The following AK8 variants were observed in gnomAD, a reference collection of about 807,000 sequenced individuals.
AK8 encodes ATP-AMP transphosphorylase 8.
A neutral mutation model predicts 54.6 loss-of-function variants in AK8; 44 were observed. The observed-to-expected ratio is 0.81, with a 90% CI of 0.63 to 1.04. The LOEUF is 1.04. Ranked by LOEUF, AK8 falls within the 50% of genes least tolerant of loss-of-function variation. The pLI is 0.00. For missense variants in AK8, 555 were observed against 613.6 expected, an observed-to-expected ratio of 0.90 and a Z score of 1.01; for synonymous variants, 239 against 245.6, an observed-to-expected ratio of 0.97 and a Z score of 0.25.
At chr9:132,827,784 T>C (rs971286978) in intron 7 of AK8, 4 of 545,468 alleles carry the variant, frequency 7.3e-6, no homozygotes, top group Admixed American at 6.6e-5. Flanking sequence ...ATTCTGGTTC[T>C]GCCACAAGAA....
chr9:132,837,326 A>G lies in AK8; in HGVS notation c.403-8600T>C, dbSNP rs1842366921. ...AGAGCAAGACTCCATCTCGAAAAAA[A>G]AAAAAAAAAAAAGAATGAAAGAATG... On this transcript the variant is annotated intron_variant, in intron 5 of 12. Transcript: ENST00000298545. This position sits in a 1 kb window ranked among gnomAD's most constrained non-coding sequence, Gnocchi z 4.3. Among the ~76,000 whole-genome samples the G allele has an allele frequency of 6.6e-6, 1 of 151,634 alleles. No homozygotes were observed. Among genetic ancestry groups the G allele is most frequent in the Non-Finnish European group, 1.5e-5 (1 of 67,866 alleles).
chr9:132,814,390 AG>A (rs1362072798), intron 10 of AK8, among the ~76,000 whole-genome samples: 1 of 151,860 alleles, frequency 6.6e-6, no homozygotes, highest in East Asian at 1.9e-4. Context: ...CTTGAGAAAT[AG>A]GAACATCCTA....
At chr9:132,771,552 A>G (rs766933343) in intron 11 of AK8, among the ~76,000 whole-genome samples, 55 of 152,338 alleles carry the variant, frequency 3.6e-4, no homozygotes, top group Middle Eastern at 3.4e-3. Flanking sequence ...TTGTAAAGAA[A>G]CAAACCCCAA....
chr9:132,760,352 T>C (rs1838396950), intron 11 of AK8, among the ~76,000 whole-genome samples: 1 of 152,172 alleles, frequency 6.6e-6, no homozygotes, highest in Admixed American at 6.5e-5. Flanking sequence ...TGGCCATTGT[T>C]GTTGATTATT....
intron 7 of AK8, among the ~76,000 whole-genome samples, chr9:132,827,648 T>C (rs560011717): frequency 2.6e-5 from 4 of 152,264 alleles, no homozygotes; most frequent in Admixed American, 2.0e-4. Context: ...CTCTCTCTCC[T>C]GTATAAATAC....
At chr9:132,782,899 T>A (rs1444571740) in intron 11 of AK8, among the ~76,000 whole-genome samples, 5 of 152,138 alleles carry the variant, frequency 3.3e-5, no homozygotes, top group Admixed American at 6.5e-5. Context: ...CAGGTTTCAG[T>A]CTTCCAATGG....
rs1839464948 is a variant in AK8 at position 132,781,502 on chromosome 9, G to C, written c.1121+11132C>G. On this transcript the variant is annotated intron_variant, in intron 11 of 12. Transcript: ENST00000298545. This position sits in a 1 kb window ranked among gnomAD's most constrained non-coding sequence, Gnocchi z 4.6. ...GGTCTATTTTTGTGTCCAATACACT[G>C]AGTAGCTTACCCTTCCCCGATAACT... Among the ~76,000 whole-genome samples the C allele has an allele frequency of 6.6e-6, 1 of 152,112 alleles. No homozygotes were observed. Among genetic ancestry groups the C allele is most frequent in the Non-Finnish European group, 1.5e-5 (1 of 68,030 alleles).
At chr9:132,788,848 T>A (rs1399157939) in intron 11 of AK8, among the ~76,000 whole-genome samples, 1 of 152,170 alleles carries the variant, frequency 6.6e-6, no homozygotes, top group Non-Finnish European at 1.5e-5. Context: ...TCACTGATAC[T>A]AAAGCCTAAC....
intron 11 of AK8, among the ~76,000 whole-genome samples, chr9:132,785,875 C>CA (rs1156556416): frequency 6.6e-6 from 1 of 152,196 alleles, no homozygotes; most frequent in Non-Finnish European, 1.5e-5. Context: ...ACAAAGAAAT[C>CA]AGAGTTTGAA....
chr9:132,727,607 C>A, intron 11 of AK8, 73 bp from the exon 12 acceptor site: 1 of 1,418,074 alleles, frequency 7.1e-7, no homozygotes, highest in Non-Finnish European at 9.8e-7. Flanking sequence ...ATCCTGGGGT[C>A]TTGAGAATCC....
chr9:132,858,197 G>C (rs772072047), intron 4 of AK8, among the ~76,000 whole-genome samples: 4 of 152,224 alleles, frequency 2.6e-5, no homozygotes, highest in Non-Finnish European at 5.9e-5. Flanking sequence ...CTGCAATTTG[G>C]ATTTTTCTCT....
chr9:132,734,758 G>A (rs552467577), intron 11 of AK8, among the ~76,000 whole-genome samples: 7 of 152,100 alleles, frequency 4.6e-5, no homozygotes, highest in African/African-American at 1.7e-4. Context: ...GGTTGGGCAC[G>A]GTGGCTCACA....
At chr9:132,854,741 TTGCC>T in intron 5 of AK8, 112 bp downstream of exon 5, 1 of 1,123,000 alleles carries the variant, frequency 8.9e-7, no homozygotes, top group Non-Finnish European at 1.3e-6. Flanking sequence ...GAGTTCCCGT[TTGCC>T]TGCCTTACCT....
At chr9:132,736,234 T>A (rs1837104889) in intron 11 of AK8, among the ~76,000 whole-genome samples, 1 of 150,398 alleles carries the variant, frequency 6.6e-6, no homozygotes, top group African/African-American at 2.4e-5. Flanking sequence ...TCCCCTAGTC[T>A]GGAGTGGAAT....
At chr9:132,755,375 G>A (rs181857584) in intron 11 of AK8, among the ~76,000 whole-genome samples, 3 of 152,180 alleles carry the variant, frequency 2.0e-5, no homozygotes, top group East Asian at 3.9e-4. Flanking sequence ...CGAGCGCCTC[G>A]ACCCGTCCCA....
At chr9:132,849,517 C>T (rs1842886285) in intron 5 of AK8, among the ~76,000 whole-genome samples, 1 of 152,168 alleles carries the variant, frequency 6.6e-6, no homozygotes, top group Admixed American at 6.5e-5. Flanking sequence ...TTTAGAATAG[C>T]CTCTGGGCTC....
In AK8 at chr9:132,781,569, T is replaced by A. The variant is rs1044599654; in HGVS notation, c.1121+11065A>T. Among the ~76,000 whole-genome samples, 2 of 152,216 alleles carry A rather than the reference T, an allele frequency of 1.3e-5. No individual in the cohort carries two copies. Among genetic ancestry groups the A allele is most frequent in the African/African-American group, 4.8e-5 (2 of 41,474 alleles). ...ATATATTTTAATAATAAAATTGATATATATGTAAATTTATTTTAATCTAAT... is the reference window on the plus strand; with the variant it reads ...ATATATTTTAATAATAAAATTGATAAATATGTAAATTTATTTTAATCTAAT... On this transcript the variant is annotated intron_variant, in intron 11 of 12. Coordinates refer to ENST00000298545, the MANE Select transcript of AK8 (RefSeq NM_152572.3). The surrounding 1 kb of genome is among the most constrained non-coding windows in gnomAD (Gnocchi z 4.6).
chr9:132,735,674 G>A (rs970755436), intron 11 of AK8, among the ~76,000 whole-genome samples: 1 of 152,152 alleles, frequency 6.6e-6, no homozygotes, highest in Non-Finnish European at 1.5e-5. Context: ...CTGGCTCCTC[G>A]AAAAATTAAA....
intron 11 of AK8, among the ~76,000 whole-genome samples, chr9:132,763,308 G>C (rs1367749679): frequency 6.6e-6 from 1 of 152,206 alleles, no homozygotes; most frequent in Non-Finnish European, 1.5e-5. Flanking sequence ...AGGAACTTTT[G>C]AAACTGTACA....
Sources: gnomAD v4.1 joint callset for allele counts (sites outside exome capture counted in the v4.1 genomes callset) on GRCh38, gnomAD v4.1.1 for gene constraint, Gnocchi (gnomAD v3.1) non-coding constraint, MANE v1.5 for transcripts, NCBI Gene and HGNC (gene_info 2026-07-23, HGNC 2026-07-21) for gene names.